The following TNC variants were observed in gnomAD, a reference collection of about 807,000 sequenced individuals.
TNC encodes tenascin.
TNC carries 109 observed loss-of-function variants against 202.4 expected under a neutral mutation model. The ratio of observed to expected loss-of-function variants is 0.54; its 90% CI spans 0.46 to 0.63. The LOEUF (loss-of-function observed/expected upper bound fraction) is 0.63, where lower values mean the gene tolerates loss of function less well. TNC is among the 30% of genes least tolerant of loss of function. The pLI is 0.00. For synonymous variants in TNC, 1,007 were observed against 1,089.7 expected (o/e 0.92, Z 1.50); for missense variants, 2,756 against 2,833.3 (o/e 0.97, Z 0.62).
At chr9:115,064,425 C>T (rs1832782442) in intron 11 of TNC, among the ~76,000 whole-genome samples, 1 of 152,126 alleles carries the variant, frequency 6.6e-6, no homozygotes, top group Non-Finnish European at 1.5e-5. Context: ...TTTAGTCCTG[C>T]AGGTTGAGCT....
intron 3 of TNC, among the ~76,000 whole-genome samples, chr9:115,085,292 G>T (rs1460306181): frequency 1.3e-5 from 2 of 152,178 alleles, no homozygotes; most frequent in African/African-American, 4.8e-5. Context: ...AGTTACAAAA[G>T]ACAATGAAAA....
In TNC at chr9:115,057,351, T is replaced by C. The variant is rs781109573; in HGVS notation, c.4381A>G (p.Thr1461Ala). ...PESFNLSWMA[T>A]DGIFETFTIE... is the part of the protein sequence containing the mutation. ...GTAAAGGTCTCGAAGATCCCATCGGTAGCCATCCAGGAGAGATTGAAGCTC... is the reference window on the plus strand; with the variant it reads ...GTAAAGGTCTCGAAGATCCCATCGGCAGCCATCCAGGAGAGATTGAAGCTC... Residue 1461 changes from threonine (T) to alanine (A), a missense_variant, in exon 15 of 28, where the codon ACC (threonine) becomes GCC (alanine). Thr to Ala is a moderately conservative substitution (Grantham distance 58). Transcript: ENST00000350763. 1.9e-6 allele frequency: 3 copies of C among 1,614,058 alleles called. No individual in the cohort carries two copies. The highest frequency in any genetic ancestry group is 1.7e-5 in the Admixed American group (1 of 60,008).
At position 115,024,219 on chromosome 9, in the gene TNC, C is replaced by T. The variant is rs547992627; in HGVS notation, c.6332-83G>A. 2,272 of 1,459,562 alleles carry T rather than the reference C, an allele frequency of 1.6e-3. 4 individuals carry two copies. Among genetic ancestry groups the T allele is most frequent in the Non-Finnish European group, 2.0e-3 (2,091 of 1,057,560 alleles). 90.4% of individuals were successfully genotyped at this position (1,459,562 alleles called of 1,614,324 possible). ...CAGTAAAGGGCAGAACCAGAGGTGA[C>T]AATTGAAAGGTTCTGGGTGTGGGAC... is the stretch of plus-strand genomic sequence containing the variant. On this transcript the variant is annotated intron_variant, in intron 26 of 27. Coordinates refer to ENST00000350763, the MANE Select transcript of TNC (RefSeq NM_002160.4).
chr9:115,093,521 CA>C (rs1395970767), intron 1 of TNC, among the ~76,000 whole-genome samples: 1 of 151,926 alleles, frequency 6.6e-6, no homozygotes, highest in Non-Finnish European at 1.5e-5. Flanking sequence ...GTTTACTGGA[CA>C]AATATTTATT....
At chr9:115,065,082 C>G (rs1369017195) in intron 10 of TNC, among the ~76,000 whole-genome samples, 163 bp from the exon 11 acceptor site, 1 of 152,162 alleles carries the variant, frequency 6.6e-6, no homozygotes. Context: ...TATTAAAACA[C>G]CAGCAGGACA....
chr9:115,064,557 A>T, intron 11 of TNC, 90 bp downstream of exon 11: 1 of 1,457,264 alleles, frequency 6.9e-7, no homozygotes, highest in Middle Eastern at 2.6e-4. Flanking sequence ...TGGCAGAACA[A>T]GTCCATTCCA....
intron 11 of TNC, 95 bp downstream of exon 11, chr9:115,064,552 G>C (rs763865475): frequency 7.6e-6 from 11 of 1,447,564 alleles, no homozygotes; most frequent in African/African-American, 1.4e-5. Flanking sequence ...AGTAGTGGCA[G>C]AACAAGTCCA....
rs778991092 is a variant in TNC at position 115,024,132 on chromosome 9, G to A, written c.6336C>T (p.Asp2112=). Residue 2112 remains aspartate (D), a synonymous_variant, in exon 27 of 28, where the codon GAC becomes GAT. Coordinates refer to ENST00000350763, the MANE Select transcript of TNC (RefSeq NM_002160.4). ...ATCTGCCATTGTGGTAGGCCATGGA[G>A]TCACCTGGGAGAGACAGAAAATATG... ...KVEGYSGTAG[D]SMAYHNGRSF... The A allele has an allele frequency of 3.8e-5, 62 of 1,613,416 alleles. No homozygotes were observed. The highest frequency in any genetic ancestry group is 6.7e-5 in the Admixed American group (4 of 59,998).
At chr9:115,027,140 T>A (rs2131575526) in intron 25 of TNC, among the ~76,000 whole-genome samples, 1 of 150,510 alleles carries the variant, frequency 6.6e-6, no homozygotes. Flanking sequence ...AAGGGCCATA[T>A]CACACAGGCC....
At chr9:115,095,240 CA>C (rs1241850698) in intron 1 of TNC, among the ~76,000 whole-genome samples, 1 of 151,786 alleles carries the variant, frequency 6.6e-6, no homozygotes, top group Non-Finnish European at 1.5e-5. Flanking sequence ...TCTTTGGTAG[CA>C]GTAAGAGCTT....
chr9:115,076,555 G>C lies in TNC; in HGVS notation c.2695C>G (p.Leu899Val). ...FTTGLDAPRN[L>V]RRVSQTDNSI... ...TTATCTGTCTGGGAAACACGTCGAA[G>C]ATTCCTGGGAGCATCGAGGCCTGTT... is the stretch of plus-strand genomic sequence containing the variant. Residue 899 changes from leucine (L) to valine (V), a missense_variant, in exon 8 of 28, where the codon CTT becomes GTT. Physicochemically the swap from Leu to Val is conservative, Grantham distance 32 (BLOSUM62 1). Coordinates refer to ENST00000350763, the MANE Select transcript of TNC (RefSeq NM_002160.4). 1 of 1,614,206 alleles carries C rather than the reference G, an allele frequency of 6.2e-7. No individual in the cohort carries two copies. Among genetic ancestry groups the C allele is most frequent in the South Asian group, 1.1e-5 (1 of 91,078 alleles).
chr9:115,091,558 G>A (rs1835237023), intron 1 of TNC, among the ~76,000 whole-genome samples: 1 of 152,150 alleles, frequency 6.6e-6, no homozygotes, highest in Non-Finnish European at 1.5e-5. Context: ...AGTTATTTGT[G>A]TATTCATTAA....
chr9:115,071,899 C>G (rs1041118407), intron 10 of TNC, among the ~76,000 whole-genome samples: 2 of 152,144 alleles, frequency 1.3e-5, no homozygotes, highest in African/African-American at 4.8e-5. Context: ...TCTATCCCCG[C>G]CCCCCACCTT....
intron 22 of TNC, among the ~76,000 whole-genome samples, chr9:115,034,147 G>T (rs1830143809): frequency 6.6e-6 from 1 of 152,244 alleles, no homozygotes; most frequent in Non-Finnish European, 1.5e-5. Context: ...TTGAGCCAGA[G>T]AGGAAGTCCG....
rs773693349 is a variant in TNC, at chr9:115,086,417, C to A, written c.1314G>T (p.Arg438=). The A allele has an allele frequency of 6.2e-7, 1 of 1,613,660 alleles. No individual in the cohort carries two copies. The change falls in exon 3 of 28, where the codon CGG becomes CGT. Residue 438 remains arginine, a synonymous_variant. Transcript: ENST00000350763. ...GYTGEDCSQL[R]CPNDCHSRGR... is the part of the protein sequence containing the mutation. ...CCCGACTGTGACAGTCATTGGGGCA[C>A]CGTAGCTGGCTGCAGTCCTCCCCAG...
chr9:115,034,432 C>T (rs765854649), intron 22 of TNC, among the ~76,000 whole-genome samples: 2 of 152,182 alleles, frequency 1.3e-5, no homozygotes, highest in African/African-American at 2.4e-5. Context: ...ATGTCTCCAA[C>T]ATGAAAGACA....
chr9:115,033,258 A>G (rs1830078625), intron 22 of TNC, among the ~76,000 whole-genome samples: 1 of 152,176 alleles, frequency 6.6e-6, no homozygotes, highest in Non-Finnish European at 1.5e-5. Context: ...GTGAATGGAC[A>G]TGCAGAAAAG....
At position 115,081,946 on chromosome 9, in the gene TNC, C is replaced by G. The variant is rs1588150251; in HGVS notation, c.2248-18G>C. The G allele has an allele frequency of 6.3e-7, 1 of 1,578,146 alleles. No homozygotes were observed. Among genetic ancestry groups the G allele is most frequent in the East Asian group, 2.3e-5 (1 of 44,424 alleles). ...TCTTTATTCTGAGAGATAGAGGCAG[C>G]TTGGTAAGAGTTAGGGGAGGTGCCA... On this transcript the variant is annotated intron_variant, in intron 5 of 27. Transcript: ENST00000350763.
intron 10 of TNC, 57 bp from the exon 11 acceptor site, chr9:115,064,976 G>A (rs1832835851): frequency 6.4e-7 from 1 of 1,567,230 alleles, no homozygotes; most frequent in South Asian, 1.2e-5. Context: ...TTTTGCTTCT[G>A]AGAACCTGGG....
Sources: gnomAD v4.1 joint callset for allele counts (sites outside exome capture counted in the v4.1 genomes callset) on GRCh38, gnomAD v4.1.1 for gene constraint, MANE v1.5 for transcripts, NCBI Gene and HGNC (gene_info 2026-07-23, HGNC 2026-07-21) for gene names.